The following PPP1R21 variants were observed in gnomAD, a reference collection of about 807,000 sequenced individuals.
PPP1R21 encodes the protein KLRAQ motif containing 1.
A neutral mutation model predicts 112.8 loss-of-function variants in PPP1R21; 85 were observed. That is an observed-to-expected ratio of 0.75 (90% CI 0.63 to 0.90). The LOEUF is 0.90. Among genes scored for constraint, PPP1R21 ranks in the 40% least tolerant of loss-of-function variants. PPP1R21 has a pLI of 0.00. For synonymous variants in PPP1R21, 381 were observed against 322.3 expected, an observed-to-expected ratio of 1.18 and a Z score of -1.95; for missense variants, 1,199 against 901.5, an observed-to-expected ratio of 1.33 and a Z score of -4.23.
chr2:48,494,952 C>A (rs1669758141), intron 15 of PPP1R21, among the ~76,000 whole-genome samples: 1 of 152,162 alleles, frequency 6.6e-6, no homozygotes, highest in African/African-American at 2.4e-5. Context: ...AGCAATCCAT[C>A]ACCTCGGTGT....
In PPP1R21 at chr2:48,454,614, A is replaced by G; in HGVS notation, c.146A>G (p.Asp49Gly). ...ATATAGGAGCAACTGAAAATGAAGG[A>G]TCAGTCATTGAGAAAACTACAACAG... ...AALKEQLKMKDQSLRKLQQEM... is the reference protein window; with the variant it reads ...AALKEQLKMKGQSLRKLQQEM... Residue 49 changes from aspartate to glycine, a missense_variant, in exon 3 of 22, where the codon GAT (aspartate) becomes GGT (glycine). Coordinates refer to ENST00000294952, the MANE Select transcript of PPP1R21 (RefSeq NM_001135629.3). The G allele has an allele frequency of 1.2e-6, 2 of 1,614,142 alleles. No homozygotes were observed. The highest frequency in any genetic ancestry group is 1.7e-6 in the Non-Finnish European group (2 of 1,179,956).
intron 3 of PPP1R21, among the ~76,000 whole-genome samples, chr2:48,457,107 G>C (rs552349373): frequency 1.3e-5 from 2 of 152,114 alleles, no homozygotes; most frequent in Admixed American, 1.3e-4. Flanking sequence ...GGAGAGAATA[G>C]TCATCTGAAC....
chr2:48,514,080 T>G (rs1018801405), intron 21 of PPP1R21, among the ~76,000 whole-genome samples: 17 of 68,458 alleles, frequency 2.5e-4, no homozygotes, highest in African/African-American at 1.2e-3. Context: ...GTTCTTTTTT[T>G]TTTTTTTTTT....
chr2:48,509,479 G>A (rs1205859211), intron 19 of PPP1R21, among the ~76,000 whole-genome samples: 6 of 151,860 alleles, frequency 4.0e-5, no homozygotes, highest in Non-Finnish European at 7.4e-5. Flanking sequence ...GCTGAGGTGG[G>A]CAGATCACTT....
chr2:48,514,482 G>T (rs1384119952), intron 21 of PPP1R21, among the ~76,000 whole-genome samples: 5 of 152,038 alleles, frequency 3.3e-5, no homozygotes, highest in African/African-American at 1.2e-4. Context: ...TTTATTTCCT[G>T]TCCTCAGCCC....
intron 21 of PPP1R21, among the ~76,000 whole-genome samples, chr2:48,511,772 G>C (rs1267816479): frequency 6.6e-6 from 1 of 151,958 alleles, no homozygotes; most frequent in Non-Finnish European, 1.5e-5. Flanking sequence ...TTGGGAGGCT[G>C]AGGTGGGAAG....
chr2:48,503,351 CAGT>C (rs1337438189), intron 17 of PPP1R21, among the ~76,000 whole-genome samples: 1 of 152,124 alleles, frequency 6.6e-6, no homozygotes, highest in Non-Finnish European at 1.5e-5. Context: ...ATAAGAAACT[CAGT>C]AGAAACTTAC....
chr2:48,471,316 T>TA lies in PPP1R21; in HGVS notation c.1039dup (p.Thr347AsnfsTer8). On this transcript the variant is annotated frameshift_variant, in exon 11 of 22. Transcript: ENST00000294952. LOFTEE classifies it high-confidence loss of function. ...AAATTGAAAACTTTTTCAGAACACT[T>TA]AACCTCCTACATATGTTTTCTTAGG... The TA allele has an allele frequency of 6.2e-7, 1 of 1,611,880 alleles. No individual in the cohort carries two copies. The highest frequency in any genetic ancestry group is 8.5e-7 in the Non-Finnish European group (1 of 1,179,322).
At chr2:48,474,588 C>T in intron 11 of PPP1R21, 95 bp from the exon 12 acceptor site, 1 of 1,129,110 alleles carries the variant, frequency 8.9e-7, no homozygotes. Context: ...CAATATCTCT[C>T]TTTGGATATA....
chr2:48,454,825 C>T, intron 3 of PPP1R21, 84 bp downstream of exon 3: 1 of 1,016,276 alleles, frequency 9.8e-7, no homozygotes, highest in Non-Finnish European at 1.5e-6. Flanking sequence ...ACAGAAGACC[C>T]CACTGCCGAA....
chr2:48,474,247 G>C (rs976153432), intron 11 of PPP1R21, among the ~76,000 whole-genome samples: 2 of 152,152 alleles, frequency 1.3e-5, no homozygotes, highest in Non-Finnish European at 2.9e-5. Flanking sequence ...GCCGGGCGTG[G>C]TGGTGGGTGC....
Position 48,463,421 on chromosome 2 carries a change from A to G in PPP1R21, c.695-1516A>G, listed in dbSNP as rs541794356. On this transcript the variant is annotated intron_variant, in intron 7 of 21. Coordinates refer to ENST00000294952, the MANE Select transcript of PPP1R21 (RefSeq NM_001135629.3). ...ATTTTGTGGCCTCGAGAGGACTAGT[A>G]TACTTTGCGAGGAGCGCTTCTGTGC... 2.6e-5 allele frequency among the ~76,000 whole-genome samples: 4 copies of G among 152,274 alleles called. No individual in the cohort carries two copies. The East Asian group carries it at 7.7e-4, about 29-fold the overall frequency.
chr2:48,511,332 C>A lies in PPP1R21; in HGVS notation c.2185-8C>A. 1.9e-6 allele frequency: 3 copies of A among 1,604,416 alleles called. No individual in the cohort carries two copies. The highest frequency in any genetic ancestry group is 2.5e-6 in the Non-Finnish European group (3 of 1,177,366). On this transcript the variant is annotated splice_polypyrimidine_tract_variant and splice_region_variant and intron_variant, in intron 20 of 21. Coordinates refer to ENST00000294952, the MANE Select transcript of PPP1R21 (RefSeq NM_001135629.3). ...ATGTTGATTTTTGTCTTTTTCTTTG[C>A]TATTTAGGATGAGCTGACAACTACC...
At chr2:48,498,463 C>G (rs1669950113) in intron 16 of PPP1R21, 30 bp from the exon 17 acceptor site, 3 of 1,611,704 alleles carry the variant, frequency 1.9e-6, no homozygotes, top group Non-Finnish European at 2.5e-6. Flanking sequence ...GTATTAGTCT[C>G]TAAGATACAA....
chr2:48,442,247 G>T (rs1161299336), intron 1 of PPP1R21, among the ~76,000 whole-genome samples: 1 of 152,162 alleles, frequency 6.6e-6, no homozygotes, highest in Non-Finnish European at 1.5e-5. Context: ...CTCAAATTTG[G>T]CTCTACTATT....
At chr2:48,509,328 C>A (rs1670527973) in intron 19 of PPP1R21, among the ~76,000 whole-genome samples, 1 of 151,696 alleles carries the variant, frequency 6.6e-6, no homozygotes. Context: ...AGTGCGTGGT[C>A]AGAAGCTCCT....
At chr2:48,453,068 T>A (rs1667552525) in intron 2 of PPP1R21, among the ~76,000 whole-genome samples, 1 of 151,982 alleles carries the variant, frequency 6.6e-6, no homozygotes, top group Admixed American at 6.6e-5. Context: ...ATTCTTGTGC[T>A]TCAGCCTCCT....
At chr2:48,465,084 A>G in intron 8 of PPP1R21, 95 bp downstream of exon 8, 1 of 921,120 alleles carries the variant, frequency 1.1e-6, no homozygotes, top group Non-Finnish European at 1.7e-6. Context: ...TGTTTAGTGC[A>G]TTCAGTCATT....
intron 1 of PPP1R21, among the ~76,000 whole-genome samples, chr2:48,447,134 A>G (rs1162093206): frequency 6.6e-6 from 1 of 152,190 alleles, no homozygotes; most frequent in Non-Finnish European, 1.5e-5. Flanking sequence ...AATTTTAAAG[A>G]GATGTTTTGT....
Sources: gnomAD v4.1 joint callset for allele counts (sites outside exome capture counted in the v4.1 genomes callset) on GRCh38, gnomAD v4.1.1 for gene constraint, MANE v1.5 for transcripts, NCBI Gene and HGNC (gene_info 2026-07-23, HGNC 2026-07-21) for gene names.